MYBL1: variants seen among roughly 807,000 people sequenced by gnomAD.
MYBL1 encodes the protein myb-related protein A.
Under a neutral mutation model 96.3 loss-of-function variants are expected in MYBL1, and 17 were observed. The ratio of observed to expected loss-of-function variants is 0.18; its 90% confidence interval spans 0.12 to 0.26. The LOEUF is 0.26. Among genes scored for constraint, MYBL1 ranks in the 10% least tolerant of loss-of-function variants. The pLI is 1.00. For synonymous variants in MYBL1, 282 were observed against 292.7 expected (o/e 0.96, Z 0.37); for missense variants, 701 against 882.9 (o/e 0.79, Z 2.61).
intron 8 of MYBL1, among the ~76,000 whole-genome samples, chr8:66,590,482 C>T (rs2129918691): frequency 6.6e-6 from 1 of 151,358 alleles, no homozygotes; most frequent in Non-Finnish European, 1.5e-5. Context: ...ATTAGCCGGG[C>T]ATGTTGGTAC....
chr8:66,572,040 G>A (rs1417061620), intron 12 of MYBL1, among the ~76,000 whole-genome samples: 1 of 151,768 alleles, frequency 6.6e-6, no homozygotes, highest in Non-Finnish European at 1.5e-5. Flanking sequence ...CAGGTGTGGT[G>A]GCTCACGCTT....
At chr8:66,564,893 T>C in intron 15 of MYBL1, 68 bp from the exon 16 acceptor site, 1 of 1,034,432 alleles carries the variant, frequency 9.7e-7, no homozygotes. Flanking sequence ...AATTAGACTC[T>C]TAAAGTCAGT....
chr8:66,604,308 A>G (rs1212274433), intron 1 of MYBL1, among the ~76,000 whole-genome samples: 3 of 152,168 alleles, frequency 2.0e-5, no homozygotes, highest in Non-Finnish European at 4.4e-5. Flanking sequence ...AGATCATTTG[A>G]GGTCAGGAGT....
At chr8:66,586,044 T>G (rs959068944) in intron 8 of MYBL1, among the ~76,000 whole-genome samples, 1 of 141,398 alleles carries the variant, frequency 7.1e-6, no homozygotes, top group Non-Finnish European at 1.5e-5. Context: ...TTTTTGGTGT[T>G]TTTTTTTTTT....
chr8:66,582,184 A>G (rs1441666587), intron 8 of MYBL1, among the ~76,000 whole-genome samples: 2 of 152,160 alleles, frequency 1.3e-5, no homozygotes, highest in African/African-American at 4.8e-5. Context: ...AAGTCTTCAC[A>G]TATCAGTAAT....
intron 8 of MYBL1, among the ~76,000 whole-genome samples, chr8:66,590,666 G>C (rs1056841644): frequency 6.6e-6 from 1 of 150,674 alleles, no homozygotes; most frequent in African/African-American, 2.4e-5. Context: ...TTGAGTGAGA[G>C]AGTGAGACTC....
At chr8:66,603,005 A>G (rs1319287227) in intron 1 of MYBL1, among the ~76,000 whole-genome samples, 1 of 151,722 alleles carries the variant, frequency 6.6e-6, no homozygotes, top group Non-Finnish European at 1.5e-5. Flanking sequence ...TCGGCCTCCC[A>G]ATGTGCTGGG....
intron 8 of MYBL1, among the ~76,000 whole-genome samples, chr8:66,588,717 A>G (rs746460898): frequency 6.6e-6 from 1 of 152,080 alleles, no homozygotes; most frequent in Non-Finnish European, 1.5e-5. Flanking sequence ...TTGTCACATA[A>G]CTGTTTAGGA....
chr8:66,594,844 T>C (rs530170138), intron 6 of MYBL1, among the ~76,000 whole-genome samples: 86 of 152,352 alleles, frequency 5.6e-4, no homozygotes, highest in Middle Eastern at 3.4e-3. Context: ...AGATTTTTAA[T>C]ATCTTGCCCA....
intron 12 of MYBL1, 83 bp downstream of exon 12, chr8:66,572,399 G>T: frequency 8.3e-6 from 5 of 600,604 alleles, no homozygotes; most frequent in East Asian, 3.0e-5. Flanking sequence ...TTTTTTAAAT[G>T]TTAAAAATCA....
In MYBL1 at chr8:66,580,338, C is replaced by A. The variant is rs1237479685; in HGVS notation, c.896G>T (p.Gly299Val). 1.2e-6 allele frequency: 2 copies of A among 1,606,662 alleles called. No homozygotes were observed. The highest frequency in any genetic ancestry group is 1.1e-5 in the South Asian group (1 of 90,550). Residue 299 changes from glycine to valine, a missense_variant, in exon 9 of 16, where the codon GGT (glycine) becomes GTT (valine). Physicochemically the swap from Gly to Val is moderately radical, Grantham distance 109. Transcript: ENST00000522677. The part of the protein sequence containing the change: ...SQPGSFSSWS[G>V]SFLMDDNMSN... Reference sequence around the variant, plus strand: ...CATGTTATCATCCATGAGGAAACTACCAGACCAGCTAGAAAAACTTCCAGG... The same window carrying A: ...CATGTTATCATCCATGAGGAAACTAACAGACCAGCTAGAAAAACTTCCAGG...
chr8:66,573,970 C>T (rs968626282), intron 10 of MYBL1, among the ~76,000 whole-genome samples: 2 of 152,054 alleles, frequency 1.3e-5, no homozygotes, highest in South Asian at 4.1e-4. Context: ...AATAATAATG[C>T]TTTGCTGATA....
chr8:66,589,542 G>C (rs1156785570), intron 8 of MYBL1, among the ~76,000 whole-genome samples: 1 of 152,062 alleles, frequency 6.6e-6, no homozygotes, highest in South Asian at 2.1e-4. Context: ...GTGCAGGGGT[G>C]TGATAACTGC....
rs891253694 is a variant in MYBL1, at chr8:66,607,635, A to G, written c.21-5112T>C. On this transcript the variant is annotated intron_variant, in intron 1 of 15. Coordinates refer to ENST00000522677, the MANE Select transcript of MYBL1 (RefSeq NM_001080416.4). ...GATCTGAGAAAGAAAACTTTTTAACAAATGAAAATACCTCTAGGAAGAGGT... is the reference window on the plus strand; with the variant it reads ...GATCTGAGAAAGAAAACTTTTTAACGAATGAAAATACCTCTAGGAAGAGGT... Among the ~76,000 whole-genome samples, 4 of 152,162 alleles carry G rather than the reference A, an allele frequency of 2.6e-5. 1 individual carries two copies. Among genetic ancestry groups the G allele is most frequent in the African/African-American group, 9.7e-5 (4 of 41,448 alleles).
chr8:66,583,541 T>G (rs953279018), intron 8 of MYBL1, among the ~76,000 whole-genome samples: 4 of 151,406 alleles, frequency 2.6e-5, no homozygotes, highest in African/African-American at 9.7e-5. Flanking sequence ...GTTGACTTTT[T>G]AAAGAAATAA....
intron 8 of MYBL1, among the ~76,000 whole-genome samples, chr8:66,582,866 A>G (rs1458114956): frequency 1.3e-5 from 2 of 152,222 alleles, no homozygotes; most frequent in African/African-American, 4.8e-5. Flanking sequence ...TATTTGATCT[A>G]AAAGGAGTAA....
rs939515031 is a variant in MYBL1 at position 66,566,990 on chromosome 8, G to A, written c.1731C>T (p.Ser577=). ...EKKYGPLKIV[S]QPLAFLEEDI... ...CTTCTTCCAAGAAAGCAAGTGGCTG[G>A]GACTAAATTGTTTTTTAAAATGTTG... The change falls in exon 13 of 16, where the codon TCC becomes TCT. Residue 577 remains serine, a splice_region_variant and synonymous_variant. Coordinates refer to ENST00000522677, the MANE Select transcript of MYBL1 (RefSeq NM_001080416.4). 18 of 1,605,344 alleles carry A rather than the reference G, an allele frequency of 1.1e-5. No individual in the cohort carries two copies. Among genetic ancestry groups the A allele is most frequent in the Admixed American group, 1.7e-5 (1 of 59,212 alleles).
chr8:66,588,596 C>T (rs944381476), intron 8 of MYBL1, among the ~76,000 whole-genome samples: 3 of 152,012 alleles, frequency 2.0e-5, no homozygotes, highest in African/African-American at 7.2e-5. Flanking sequence ...TGTGAACTCT[C>T]TAATGAAATT....
At position 66,601,611 on chromosome 8, in the gene MYBL1, T is replaced by C. The variant is rs557408591; in HGVS notation, c.198+87A>G. 6.9e-6 allele frequency: 5 copies of C among 724,700 alleles called. No individual in the cohort carries two copies. In the Admixed American group the frequency reaches 1.5e-4, roughly 22 times the overall value. 44.9% of individuals were successfully genotyped at this position (724,700 alleles called of 1,614,324 possible). A position where few individuals can be genotyped will look rare whatever the true frequency, so the allele number is the denominator to read the frequency against. ...TTAGGAAGGAAACCTAAAATTAAAA[T>C]ATGTAGACACATTTTTGAAAAATAG... is the stretch of plus-strand genomic sequence containing the variant. On this transcript the variant is annotated intron_variant, in intron 3 of 15. Coordinates refer to ENST00000522677, the MANE Select transcript of MYBL1 (RefSeq NM_001080416.4).
Sources: allele counts gnomAD v4.1 joint callset (sites outside exome capture counted in the v4.1 genomes callset), GRCh38; gene constraint gnomAD v4.1.1; transcripts MANE v1.5; gene names NCBI Gene and HGNC (gene_info 2026-07-23, HGNC 2026-07-21).